FHIP1A: variants seen among roughly 807,000 people sequenced by gnomAD.
FHIP1A encodes the protein FHF complex subunit HOOK-interacting protein 1A.
FHIP1A carries 61 observed loss-of-function variants against 88.6 expected under a neutral mutation model. That is an observed-to-expected ratio of 0.69 (90% CI 0.56 to 0.85). FHIP1A has a LOEUF of 0.85. FHIP1A is among the 40% of genes least tolerant of loss of function. The pLI, the probability that FHIP1A is intolerant of heterozygous loss-of-function variation, is 0.00. For missense variants in FHIP1A, 1,154 were observed against 1,273.5 expected (o/e 0.91, Z 1.43); for synonymous variants, 478 against 496.0 (o/e 0.96, Z 0.48).
rs1737538931 is a variant in FHIP1A at position 151,663,198 on chromosome 4, C to T, written c.*444C>T. On this transcript the variant is annotated 3_prime_UTR_variant, in exon 14 of 14. Transcript: ENST00000435205. Reference sequence around the variant, plus strand: ...ACTGTGCGAATGGTCCTGTTGCCTCCTGCATTTTGGCCTCTGTTCTATAAA... The same window carrying T: ...ACTGTGCGAATGGTCCTGTTGCCTCTTGCATTTTGGCCTCTGTTCTATAAA... 6.5e-6 allele frequency: 1 copy of T among 153,598 alleles called. No homozygotes were observed. The highest frequency in any genetic ancestry group is 6.5e-5 in the Admixed American group (1 of 15,420). 9.5% of individuals were successfully genotyped at this position (153,598 alleles called of 1,614,324 possible).
intron 2 of FHIP1A, among the ~76,000 whole-genome samples, chr4:151,481,803 G>C (rs937299811): frequency 6.6e-6 from 1 of 152,078 alleles, no homozygotes; most frequent in Non-Finnish European, 1.5e-5. Flanking sequence ...TAACTGCTAA[G>C]GGTTAGTCTC....
intron 3 of FHIP1A, among the ~76,000 whole-genome samples, chr4:151,530,757 C>G (rs916327938): frequency 6.6e-6 from 1 of 152,166 alleles, no homozygotes; most frequent in African/African-American, 2.4e-5. Context: ...GCCAGACAGA[C>G]CTGAATTTAA....
intron 7 of FHIP1A, among the ~76,000 whole-genome samples, chr4:151,622,864 G>C (rs1040993532): frequency 1.3e-5 from 2 of 151,914 alleles, no homozygotes; most frequent in Non-Finnish European, 2.9e-5. Context: ...GGGTTATTTG[G>C]GTATTCAATA....
At chr4:151,529,718 G>A (rs899085509) in intron 3 of FHIP1A, among the ~76,000 whole-genome samples, 1 of 152,158 alleles carries the variant, frequency 6.6e-6, no homozygotes, top group East Asian at 1.9e-4. Flanking sequence ...GAGTACACTC[G>A]TGTCCATAAG....
chr4:151,626,813 A>G (rs868740653), intron 7 of FHIP1A, among the ~76,000 whole-genome samples: 1 of 152,226 alleles, frequency 6.6e-6, no homozygotes, highest in Non-Finnish European at 1.5e-5. Context: ...AGAAGATGCT[A>G]CTTTCCAGTC....
chr4:151,495,536 G>C (rs556030166), intron 3 of FHIP1A, among the ~76,000 whole-genome samples: 2 of 150,590 alleles, frequency 1.3e-5, no homozygotes, highest in South Asian at 4.2e-4. Context: ...AAAAAGACTG[G>C]AAAGAAAGAT....
At position 151,422,035 on chromosome 4, in the gene FHIP1A, T is replaced by A. The variant is rs1036923381; in HGVS notation, c.-356+12570T>A. Reference sequence around the variant, plus strand: ...GTTCCAGGCCTATTTTTTCCTTGGCTGCACTGTTGTCAAATTATATATGAG... The same window carrying A: ...GTTCCAGGCCTATTTTTTCCTTGGCAGCACTGTTGTCAAATTATATATGAG... On this transcript the variant is annotated intron_variant, in intron 1 of 13. Transcript: ENST00000435205. 2.6e-5 allele frequency among the ~76,000 whole-genome samples: 4 copies of A among 152,122 alleles called. No homozygotes were observed. In the East Asian group the frequency reaches 7.7e-4, roughly 29 times the overall value.
At chr4:151,595,102 T>G (rs535158757) in intron 7 of FHIP1A, among the ~76,000 whole-genome samples, 8 of 152,340 alleles carry the variant, frequency 5.3e-5, no homozygotes, top group African/African-American at 1.7e-4. Context: ...TCTCTAGTTC[T>G]TTTCATTGTG....
chr4:151,532,222 T>G (rs1419934735), intron 3 of FHIP1A, among the ~76,000 whole-genome samples: 1 of 152,212 alleles, frequency 6.6e-6, no homozygotes, highest in East Asian at 1.9e-4. Flanking sequence ...GGTTTATAGT[T>G]GCTGTGTTGA....
intron 7 of FHIP1A, among the ~76,000 whole-genome samples, chr4:151,625,835 C>A (rs1241354877): frequency 6.6e-6 from 1 of 152,156 alleles, no homozygotes; most frequent in Non-Finnish European, 1.5e-5. Context: ...AGTAGATTGA[C>A]TGTAAATTCA....
intron 4 of FHIP1A, among the ~76,000 whole-genome samples, chr4:151,573,285 CACACACACAT>C (rs1196141600): frequency 6.6e-6 from 1 of 151,866 alleles, no homozygotes; most frequent in Non-Finnish European, 1.5e-5. Flanking sequence ...CACACACACA[CACACACACAT>C]ACACACACAC....
intron 13 of FHIP1A, among the ~76,000 whole-genome samples, chr4:151,662,117 T>G (rs778268118): frequency 1.4e-4 from 21 of 152,230 alleles, no homozygotes; most frequent in Admixed American, 7.8e-4. Flanking sequence ...CATGAGAGGC[T>G]GGCAGAGCAG....
At chr4:151,563,206 G>T (rs142201650) in intron 3 of FHIP1A, among the ~76,000 whole-genome samples, 1 of 151,960 alleles carries the variant, frequency 6.6e-6, no homozygotes, top group African/African-American at 2.4e-5. Flanking sequence ...TCAAGCTATT[G>T]TATATATATT....
chr4:151,567,023 G>A (rs1403213772), intron 4 of FHIP1A, among the ~76,000 whole-genome samples: 2 of 152,032 alleles, frequency 1.3e-5, no homozygotes, highest in Non-Finnish European at 2.9e-5. Context: ...AATGAAAAAC[G>A]CCTGAGTATA....
At position 151,650,356 on chromosome 4, in the gene FHIP1A, A is replaced by G; in HGVS notation, c.2315A>G (p.Gln772Arg). ...LDSGAEGLME[Q>R]NYPTPDPLLL... Reference sequence around the variant, plus strand: ...TCCGGCGCCGAGGGCTTGATGGAACAGAATTACCCCACACCTGATCCCTTG... The same window carrying G: ...TCCGGCGCCGAGGGCTTGATGGAACGGAATTACCCCACACCTGATCCCTTG... Residue 772 changes from glutamine (Q) to arginine (R), a missense_variant, in exon 11 of 14, where the codon CAG becomes CGG. Physicochemically the swap from Gln to Arg is conservative, Grantham distance 43. Coordinates refer to ENST00000435205, the MANE Select transcript of FHIP1A (RefSeq NM_001109977.3). 1.9e-6 allele frequency: 3 copies of G among 1,551,784 alleles called. No homozygotes were observed. The highest frequency in any genetic ancestry group is 2.6e-6 in the Non-Finnish European group (3 of 1,147,020).
chr4:151,425,384 T>C (rs968844640), intron 1 of FHIP1A, among the ~76,000 whole-genome samples: 1 of 152,190 alleles, frequency 6.6e-6, no homozygotes, highest in African/African-American at 2.4e-5. Flanking sequence ...AAGAGACATA[T>C]TAACCATGTT....
Position 151,566,320 on chromosome 4 carries a change from G to T in FHIP1A, c.61G>T (p.Asp21Tyr). ...LQQAVSLQGV[D>Y]PETCMIVFKN... The stretch of plus-strand genomic sequence containing the variant: ...GCAGGCTGTGAGCCTACAGGGAGTT[G>T]ACCCAGAAACATGCATGATTGTATT... Residue 21 changes from aspartate to tyrosine, a missense_variant, in exon 4 of 14, where the codon GAC becomes TAC. Transcript: ENST00000435205. The T allele has an allele frequency of 6.4e-7, 1 of 1,550,928 alleles. No homozygotes were observed. The highest frequency in any genetic ancestry group is 1.2e-5 in the South Asian group (1 of 83,994).
intron 3 of FHIP1A, among the ~76,000 whole-genome samples, chr4:151,563,119 A>G (rs1733237972): frequency 6.6e-6 from 1 of 152,056 alleles, no homozygotes; most frequent in African/African-American, 2.4e-5. Context: ...ATATAATATT[A>G]ATGAGATATA....
intron 3 of FHIP1A, among the ~76,000 whole-genome samples, chr4:151,559,962 G>C (rs543040445): frequency 4.9e-4 from 75 of 152,146 alleles, no homozygotes; most frequent in Non-Finnish European, 9.7e-4. Context: ...CTATTAGCCT[G>C]TTTTGGGACT....
Sources: allele counts gnomAD v4.1 joint callset (sites outside exome capture counted in the v4.1 genomes callset), GRCh38; gene constraint gnomAD v4.1.1; transcripts MANE v1.5; gene names NCBI Gene and HGNC (gene_info 2026-07-23, HGNC 2026-07-21).